The following CTNND2 variants were observed in gnomAD, a reference collection of about 807,000 sequenced individuals.
CTNND2 encodes the protein catenin delta-2.
Under a neutral mutation model 144.4 loss-of-function variants are expected in CTNND2, and 22 were observed. That is an observed-to-expected ratio of 0.15 (90% CI 0.11 to 0.22). The LOEUF is 0.22. CTNND2 is among the 10% of genes least tolerant of loss of function. The probability of loss-of-function intolerance (pLI) is 1.00; values close to 1 mark genes in which losing one functional copy is unlikely to be tolerated. For missense variants in CTNND2, 1,353 were observed against 1,618.8 expected (o/e 0.84, Z 2.82); for synonymous variants, 751 against 695.6 (o/e 1.08, Z -1.25).
intron 1 of CTNND2, among the ~76,000 whole-genome samples, chr5:11,881,291 T>C (rs1736092986): frequency 6.6e-6 from 1 of 151,998 alleles, no homozygotes; most frequent in South Asian, 2.1e-4. Context: ...ATTACTTCTT[T>C]GTGTTGTGAA....
intron 1 of CTNND2, among the ~76,000 whole-genome samples, chr5:11,776,753 T>C (rs1790277216): frequency 6.6e-6 from 1 of 152,086 alleles, no homozygotes; most frequent in African/African-American, 2.4e-5. Flanking sequence ...ATCTAGCAAA[T>C]AAAAATTACT....
intron 1 of CTNND2, among the ~76,000 whole-genome samples, chr5:11,765,318 G>A (rs979768032): frequency 1.3e-5 from 2 of 152,236 alleles, no homozygotes; most frequent in African/African-American, 4.8e-5. Context: ...CGCTCAGGGG[G>A]AAGGTGGAGA....
chr5:11,118,545 A>G (rs1753781778), intron 12 of CTNND2, among the ~76,000 whole-genome samples: 2 of 152,324 alleles, frequency 1.3e-5, no homozygotes, highest in African/African-American at 4.8e-5. Context: ...TCTGACTCAG[A>G]ATGTCTGGGG....
At chr5:11,832,107 C>G (rs1018502011) in intron 1 of CTNND2, among the ~76,000 whole-genome samples, 2 of 151,938 alleles carry the variant, frequency 1.3e-5, no homozygotes, top group Non-Finnish European at 2.9e-5. Context: ...CATGGTGAAA[C>G]CCCGTCTCCA....
chr5:11,706,889 T>A (rs1380307520), intron 2 of CTNND2, among the ~76,000 whole-genome samples: 1 of 151,880 alleles, frequency 6.6e-6, no homozygotes, highest in African/African-American at 2.4e-5. Context: ...ATCGAGACCA[T>A]CCTGGCTAAC....
At chr5:11,189,559 T>G (rs1460953328) in intron 11 of CTNND2, among the ~76,000 whole-genome samples, 1 of 152,212 alleles carries the variant, frequency 6.6e-6, no homozygotes, top group Non-Finnish European at 1.5e-5. Context: ...CTTAATAACA[T>G]TTTATTTTCT....
chr5:11,382,597 G>C (rs1204963045), intron 7 of CTNND2, among the ~76,000 whole-genome samples: 2 of 29,920 alleles, frequency 6.7e-5, no homozygotes, highest in African/African-American at 9.2e-5. Flanking sequence ...GTGAGACTCT[G>C]TGTGTGTGTG....
chr5:11,401,331 C>T (rs962174232), intron 5 of CTNND2, among the ~76,000 whole-genome samples: 6 of 152,180 alleles, frequency 3.9e-5, no homozygotes, highest in African/African-American at 7.2e-5. Context: ...TATTTGCCTG[C>T]GTTAGCTGAA....
At chr5:11,509,504 G>C (rs766883610) in intron 3 of CTNND2, among the ~76,000 whole-genome samples, 3 of 152,162 alleles carry the variant, frequency 2.0e-5, no homozygotes, top group Admixed American at 1.3e-4. Flanking sequence ...AAAAAGGAAA[G>C]TAGGAGGGTT....
intron 3 of CTNND2, among the ~76,000 whole-genome samples, chr5:11,533,184 T>G (rs1312731714): frequency 6.6e-6 from 1 of 152,248 alleles, no homozygotes; most frequent in Non-Finnish European, 1.5e-5. Flanking sequence ...TCAAAAATAT[T>G]GAATTTCTGT....
At chr5:11,203,654 C>T (rs879878098) in intron 10 of CTNND2, among the ~76,000 whole-genome samples, 2 of 152,174 alleles carry the variant, frequency 1.3e-5, no homozygotes, top group Non-Finnish European at 2.9e-5. Context: ...GGATTACAGG[C>T]GTGAGCCACT....
intron 9 of CTNND2, among the ~76,000 whole-genome samples, chr5:11,336,305 A>AGGCAT (rs1753717711): frequency 6.6e-6 from 1 of 152,238 alleles, no homozygotes. Flanking sequence ...GGTCTCTGAA[A>AGGCAT]GGCATAGTGT....
At chr5:11,193,444 G>A (rs1205709490) in intron 11 of CTNND2, among the ~76,000 whole-genome samples, 2 of 152,054 alleles carry the variant, frequency 1.3e-5, no homozygotes, top group African/African-American at 4.8e-5. Flanking sequence ...TTATCTTTGG[G>A]ATGTTGTTTA....
intron 1 of CTNND2, among the ~76,000 whole-genome samples, chr5:11,857,740 C>T (rs1054587444): frequency 1.6e-4 from 25 of 152,092 alleles, no homozygotes; most frequent in Admixed American, 5.2e-4. Flanking sequence ...ATGCTATTAA[C>T]GAAAAAATAT....
At chr5:11,749,760 TA>T in intron 1 of CTNND2, among the ~76,000 whole-genome samples, 1 of 152,104 alleles carries the variant, frequency 6.6e-6, no homozygotes, top group Middle Eastern at 3.4e-3. Context: ...ATGGTTTACA[TA>T]AAATAAGTAT....
At chr5:11,070,342 C>T (rs538486816) in intron 16 of CTNND2, among the ~76,000 whole-genome samples, 114 of 151,928 alleles carry the variant, frequency 7.5e-4, no homozygotes, top group African/African-American at 2.6e-3. Flanking sequence ...TATATAATGC[C>T]TTTATAAAGG....
rs371715259 is a variant in CTNND2, at chr5:10,992,628, C to T, written c.3134G>A (p.Arg1045Lys). ...GGAGGAGTAGGGCCTTTGCCGGTCCCTCTCGATGGTTGAAGACGAGGCTAC... is the reference window on the plus strand; with the variant it reads ...GGAGGAGTAGGGCCTTTGCCGGTCCTTCTCGATGGTTGAAGACGAGGCTAC... ...HFVASSSTIE[R>K]DRQRPYSSSR... Residue 1045 changes from arginine to lysine, a missense_variant, in exon 19 of 22, where the codon AGG (arginine) becomes AAG (lysine). Arg to Lys is a conservative substitution (Grantham distance 26, BLOSUM62 2). Coordinates refer to ENST00000304623, the MANE Select transcript of CTNND2 (RefSeq NM_001332.4). The T allele has an allele frequency of 2.2e-5, 35 of 1,614,026 alleles. No individual in the cohort carries two copies. Among genetic ancestry groups the T allele is most frequent in the Non-Finnish European group, 2.7e-5 (32 of 1,180,050 alleles).
chr5:11,498,918 T>TG (rs1770258771), intron 3 of CTNND2, among the ~76,000 whole-genome samples: 2 of 151,662 alleles, frequency 1.3e-5, no homozygotes, highest in South Asian at 4.2e-4. Context: ...TGGATGTGTG[T>TG]TTTTTTTTAA....
chr5:11,040,236 A>G (rs1744561027), intron 16 of CTNND2, among the ~76,000 whole-genome samples: 1 of 151,946 alleles, frequency 6.6e-6, no homozygotes, highest in South Asian at 2.1e-4. Context: ...ACAGGGTAAG[A>G]CTCAGTCTCA....
Sources: allele counts gnomAD v4.1 joint callset (sites outside exome capture counted in the v4.1 genomes callset), GRCh38; gene constraint gnomAD v4.1.1; transcripts MANE v1.5; gene names NCBI Gene and HGNC (gene_info 2026-07-23, HGNC 2026-07-21).